Variants in BMS1 observed in about 807,000 individuals in gnomAD.
The protein encoded by BMS1 is ribosome biogenesis protein BMS1 homolog.
In BMS1, 53 loss-of-function variants were observed where a neutral mutation model predicts 138.7. The observed-to-expected ratio is 0.38, with a 90% CI of 0.31 to 0.48. The LOEUF is 0.48. Among genes scored for constraint, BMS1 ranks in the 20% least tolerant of loss-of-function variants. The probability of loss-of-function intolerance (pLI) is 0.97; values close to 1 mark genes in which losing one functional copy is unlikely to be tolerated. For synonymous variants in BMS1, 504 were observed against 539.9 expected (o/e 0.93, Z 0.92); for missense variants, 1,360 against 1,565.5 (o/e 0.87, Z 2.22).
intron 13 of BMS1, among the ~76,000 whole-genome samples, chr10:42,812,290 T>G (rs923507310): frequency 6.6e-6 from 1 of 152,168 alleles, no homozygotes; most frequent in Non-Finnish European, 1.5e-5. Flanking sequence ...GTACTATAGG[T>G]GTGTGCCGCC....
chr10:42,786,102 C>T (rs1393137034), intron 3 of BMS1, among the ~76,000 whole-genome samples: 1 of 152,220 alleles, frequency 6.6e-6, no homozygotes, highest in South Asian at 2.1e-4. Context: ...ATCCTGACTG[C>T]TCTTTGGCTT....
chr10:42,797,534 C>T lies in BMS1; in HGVS notation c.2089+11C>T, dbSNP rs781781006. The T allele has an allele frequency of 1.2e-6, 2 of 1,611,794 alleles. No homozygotes were observed. Among genetic ancestry groups the T allele is most frequent in the Non-Finnish European group, 1.7e-6 (2 of 1,178,044 alleles). On this transcript the variant is annotated intron_variant, in intron 11 of 22. Coordinates refer to ENST00000374518, the MANE Select transcript of BMS1 (RefSeq NM_014753.4). ...TTATTTATGGGACAGGTAAAGAATT[C>T]TGGTTCAGAACTAGAAATGTTTTAG... is the stretch of plus-strand genomic sequence containing the variant.
At chr10:42,814,685 C>T (rs897123111) in intron 13 of BMS1, among the ~76,000 whole-genome samples, 9 of 152,144 alleles carry the variant, frequency 5.9e-5, no homozygotes, top group African/African-American at 2.2e-4. Context: ...TCAGAGCCTT[C>T]ATGGTGTTAT....
At chr10:42,788,693 TC>T in intron 4 of BMS1, among the ~76,000 whole-genome samples, 1 of 152,312 alleles carries the variant, frequency 6.6e-6, no homozygotes, top group East Asian at 1.9e-4. Context: ...ATTATGTAAA[TC>T]TTTTAAAGAT....
chr10:42,825,633 G>A (rs1842615988), intron 21 of BMS1, among the ~76,000 whole-genome samples: 1 of 152,102 alleles, frequency 6.6e-6, no homozygotes, highest in African/African-American at 2.4e-5. Context: ...TTTATATATT[G>A]AGTTTATACC....
rs143400585 is a variant in BMS1, at chr10:42,807,000, C to G, written c.2329+4782C>G. ...GCCTGGATGCCAACATTGATACAAT[C>G]TGTTGATCCTATGTAGATTTCTCCA... On this transcript the variant is annotated intron_variant, in intron 13 of 22. Transcript: ENST00000374518. 7.8e-4 allele frequency among the ~76,000 whole-genome samples: 119 copies of G among 152,236 alleles called. No individual in the cohort carries two copies. The Middle Eastern group carries it at 0.027, about 35-fold the overall frequency.
At chr10:42,791,293 G>A (rs1458893375) in intron 5 of BMS1, among the ~76,000 whole-genome samples, 2 of 152,150 alleles carry the variant, frequency 1.3e-5, no homozygotes, top group Non-Finnish European at 2.9e-5. Flanking sequence ...AGAGTACCTC[G>A]GAAGTTTCTC....
chr10:42,786,299 G>A (rs562282468), intron 3 of BMS1, among the ~76,000 whole-genome samples: 12 of 152,308 alleles, frequency 7.9e-5, no homozygotes, highest in East Asian at 1.9e-4. Context: ...TGACCTTTCC[G>A]AGTTTGAGGG....
chr10:42,786,788 T>C (rs954072119), intron 3 of BMS1, among the ~76,000 whole-genome samples: 2 of 152,180 alleles, frequency 1.3e-5, no homozygotes, highest in African/African-American at 4.8e-5. Flanking sequence ...ATGAATATTC[T>C]GTTGCATTAT....
At chr10:42,814,684 T>C (rs1247555782) in intron 13 of BMS1, among the ~76,000 whole-genome samples, 1 of 152,170 alleles carries the variant, frequency 6.6e-6, no homozygotes. Flanking sequence ...TTCAGAGCCT[T>C]CATGGTGTTA....
chr10:42,784,229 T>C, intron 1 of BMS1, 133 bp from the exon 2 acceptor site: 2 of 598,398 alleles, frequency 3.3e-6, no homozygotes, highest in Non-Finnish European at 5.4e-6. Flanking sequence ...TTAAGCAGTT[T>C]CTACCCTTGT....
rs1330203998 is a variant in BMS1, at chr10:42,823,172, A to G, written c.3187A>G (p.Thr1063Ala). The change falls in exon 20 of 23, where the codon ACA (threonine) becomes GCA (alanine). Residue 1063 changes from threonine (T) to alanine (A), a missense_variant. Physicochemically the swap from Thr to Ala is moderately conservative, Grantham distance 58. This residue lies in a region of BMS1 where 425 missense variants were observed against 568.3 expected (regional missense o/e 0.75). Coordinates refer to ENST00000374518, the MANE Select transcript of BMS1 (RefSeq NM_014753.4). ...CAAATTTGAAGGTGCTGTGATTCGAACAGTCAGTGGGATAAGGGGGCAGAT... is the reference window on the plus strand; with the variant it reads ...CAAATTTGAAGGTGCTGTGATTCGAGCAGTCAGTGGGATAAGGGGGCAGAT... ...VAKFEGAVIRTVSGIRGQIKK... is the reference protein window; with the variant it reads ...VAKFEGAVIRAVSGIRGQIKK... 1.3e-5 allele frequency: 21 copies of G among 1,609,054 alleles called. No homozygotes were observed. Among genetic ancestry groups the G allele is most frequent in the South Asian group, 2.2e-5 (2 of 90,408 alleles).
chr10:42,784,219 T>C (rs1841249917), intron 1 of BMS1, 143 bp from the exon 2 acceptor site: 1 of 529,262 alleles, frequency 1.9e-6, no homozygotes, highest in Admixed American at 3.7e-5. Context: ...TTGGGGATGG[T>C]TAAGCAGTTT....
At chr10:42,793,203 T>C in intron 8 of BMS1, 59 bp downstream of exon 8, 1 of 1,489,830 alleles carries the variant, frequency 6.7e-7, no homozygotes, top group Non-Finnish European at 8.9e-7. Context: ...GAATCTATTT[T>C]TTAATCACAA....
chr10:42,822,822 G>A (rs1313594611), intron 19 of BMS1, among the ~76,000 whole-genome samples: 3 of 152,208 alleles, frequency 2.0e-5, no homozygotes, highest in Non-Finnish European at 2.9e-5. Context: ...AGAGATGCCA[G>A]GAAAGGCTGC....
intron 3 of BMS1, among the ~76,000 whole-genome samples, chr10:42,786,786 T>C (rs187972032): frequency 5.3e-5 from 8 of 152,280 alleles, no homozygotes; most frequent in Non-Finnish European, 1.0e-4. Context: ...TTATGAATAT[T>C]CTGTTGCATT....
In BMS1 at chr10:42,793,145, G is replaced by C. The variant is rs768055233; in HGVS notation, c.1089+1G>C. On this transcript the variant is annotated splice_donor_variant, in intron 8 of 22. Coordinates refer to ENST00000374518, the MANE Select transcript of BMS1 (RefSeq NM_014753.4). LOFTEE classifies it high-confidence loss of function. ...CCTTGGTGGCAGCCACGTTTTTCAG[G>C]TATCGGTGAGACGGGAGTCATTTCT... is the stretch of plus-strand genomic sequence containing the variant. The C allele has an allele frequency of 7.5e-6, 12 of 1,600,314 alleles. No individual in the cohort carries two copies. Among genetic ancestry groups the C allele is most frequent in the Admixed American group, 7.0e-5 (4 of 57,370 alleles).
In BMS1 at chr10:42,793,858, G is replaced by A; in HGVS notation, c.1096G>A (p.Val366Met). The change falls in exon 9 of 23, where the codon GTG becomes ATG. Residue 366 changes from valine (V) to methionine (M), a missense_variant. Coordinates refer to ENST00000374518, the MANE Select transcript of BMS1 (RefSeq NM_014753.4). ...TTCTTGGTGGTCTTGACAGGATGAA[G>A]TGGGGCCCACCCATGAGCTGGTCCA... is the stretch of plus-strand genomic sequence containing the variant. ...LGGSHVFQDE[V>M]GPTHELVQSL... 1.2e-6 allele frequency: 2 copies of A among 1,611,300 alleles called. No homozygotes were observed. Among genetic ancestry groups the A allele is most frequent in the South Asian group, 2.2e-5 (2 of 90,904 alleles).
intron 13 of BMS1, among the ~76,000 whole-genome samples, chr10:42,811,847 A>G (rs112049115): frequency 2.0e-5 from 3 of 152,138 alleles, no homozygotes; most frequent in African/African-American, 7.2e-5. Context: ...TTTCATTCAT[A>G]TTTCCTTTGG....
Sources: allele counts gnomAD v4.1 joint callset (sites outside exome capture counted in the v4.1 genomes callset), GRCh38; gene constraint gnomAD v4.1.1; regional missense constraint gnomAD v4.1.1; transcripts MANE v1.5; gene names NCBI Gene and HGNC (gene_info 2026-07-23, HGNC 2026-07-21).